The following SLC25A21 variants were observed in gnomAD, a reference collection of about 807,000 sequenced individuals.
SLC25A21 encodes the protein solute carrier family 25 member 21, also known as mitochondrial 2-oxodicarboxylate carrier.
Under a neutral mutation model 43.8 loss-of-function variants are expected in SLC25A21, and 47 were observed. That is an observed-to-expected ratio of 1.07 (90% CI 0.85 to 1.37). The LOEUF (loss-of-function observed/expected upper bound fraction) is 1.37. Among genes scored for constraint, SLC25A21 ranks in the 40% most tolerant of loss-of-function variants. The pLI, the probability that SLC25A21 is intolerant of heterozygous loss-of-function variation, is 0.00. For synonymous variants in SLC25A21, 131 were observed against 121.3 expected, an observed-to-expected ratio of 1.08 and a Z score of -0.52; for missense variants, 352 against 350.2, an observed-to-expected ratio of 1.00 and a Z score of -0.04.
chr14:36,883,038 C>T (rs1239578145), intron 1 of SLC25A21, among the ~76,000 whole-genome samples: 3 of 152,106 alleles, frequency 2.0e-5, no homozygotes, highest in Non-Finnish European at 2.9e-5. Flanking sequence ...GTAGCAGGCC[C>T]TTTACAGGTA....
chr14:36,688,936 C>A (rs1404536093), intron 7 of SLC25A21, among the ~76,000 whole-genome samples: 1 of 152,162 alleles, frequency 6.6e-6, no homozygotes, highest in Non-Finnish European at 1.5e-5. Context: ...CATAGTTTTT[C>A]TTCTTATACT....
intron 1 of SLC25A21, among the ~76,000 whole-genome samples, chr14:37,045,563 T>G (rs1287487460): frequency 6.6e-6 from 1 of 152,200 alleles, no homozygotes; most frequent in African/African-American, 2.4e-5. Context: ...CTCAAAGTAA[T>G]GAGCTTAATT....
chr14:36,871,262 G>T (rs1890364996), intron 2 of SLC25A21, among the ~76,000 whole-genome samples: 1 of 152,076 alleles, frequency 6.6e-6, no homozygotes, highest in African/African-American at 2.4e-5. Context: ...GTGATGCCTT[G>T]CTCTTTCACC....
chr14:37,172,000 C>T (rs1964138152), intron 1 of SLC25A21: 1 of 451,186 alleles, frequency 2.2e-6, no homozygotes, highest in African/African-American at 2.0e-5. Flanking sequence ...GCCCTTGGGG[C>T]TCTGCCACTT....
intron 7 of SLC25A21, 111 bp downstream of exon 7, chr14:36,711,207 A>G: frequency 1.1e-6 from 1 of 919,622 alleles, no homozygotes; most frequent in Non-Finnish European, 1.6e-6. Flanking sequence ...AAATTAGATA[A>G]TAGATGTAGG....
chr14:37,022,578 C>T (rs1400717058), intron 1 of SLC25A21, among the ~76,000 whole-genome samples: 1 of 151,984 alleles, frequency 6.6e-6, no homozygotes, highest in East Asian at 1.9e-4. Context: ...TATGAAGTCT[C>T]ATCAGTTCAA....
At chr14:37,099,119 T>G (rs1962767438) in intron 1 of SLC25A21, among the ~76,000 whole-genome samples, 1 of 152,112 alleles carries the variant, frequency 6.6e-6, no homozygotes, top group African/African-American at 2.4e-5. Flanking sequence ...AAAAATTTTT[T>G]TAACCTCTGG....
chr14:36,902,309 T>G lies in SLC25A21; in HGVS notation c.71-27305A>C, dbSNP rs570234969. Among the ~76,000 whole-genome samples the G allele has an allele frequency of 2.0e-5, 3 of 152,194 alleles. 1 individual carries two copies. Among genetic ancestry groups the G allele is most frequent in the Non-Finnish European group, 4.4e-5 (3 of 68,038 alleles). On this transcript the variant is annotated intron_variant, in intron 1 of 9. Transcript: ENST00000331299. The stretch of plus-strand genomic sequence containing the variant: ...GTTGTCCTTGCCAGTCACAGTCTTA[T>G]ACCAGAGTCCAGCCATCCCAGTGAT...
At chr14:36,954,597 AG>A (rs1250127031) in intron 1 of SLC25A21, among the ~76,000 whole-genome samples, 1 of 152,140 alleles carries the variant, frequency 6.6e-6, no homozygotes, top group Non-Finnish European at 1.5e-5. Context: ...GAAATAGTCC[AG>A]ATCTATTGTT....
chr14:36,896,083 C>T (rs191471941), intron 1 of SLC25A21, among the ~76,000 whole-genome samples: 16 of 152,244 alleles, frequency 1.1e-4, no homozygotes, highest in Non-Finnish European at 1.3e-4. Context: ...GAGTTCAATT[C>T]CTGGATATCC....
chr14:36,832,121 C>T (rs1313563969), intron 2 of SLC25A21, among the ~76,000 whole-genome samples: 7 of 152,028 alleles, frequency 4.6e-5, no homozygotes, highest in Non-Finnish European at 7.4e-5. Flanking sequence ...CAGAAATGGC[C>T]GGTTTCTCAG....
chr14:36,977,432 T>C (rs928328776), intron 1 of SLC25A21, among the ~76,000 whole-genome samples: 1 of 152,164 alleles, frequency 6.6e-6, no homozygotes, highest in Non-Finnish European at 1.5e-5. Context: ...ATTGAAAATG[T>C]TTCCTATAAC....
intron 9 of SLC25A21, among the ~76,000 whole-genome samples, chr14:36,682,117 C>T (rs965498190): frequency 6.6e-6 from 1 of 151,942 alleles, no homozygotes; most frequent in Non-Finnish European, 1.5e-5. Context: ...GAACAAAGAA[C>T]AAAAATTCCA....
At chr14:37,043,310 T>A (rs899742927) in intron 1 of SLC25A21, among the ~76,000 whole-genome samples, 6 of 152,164 alleles carry the variant, frequency 3.9e-5, no homozygotes, top group Non-Finnish European at 5.9e-5. Flanking sequence ...GAGCAAACCA[T>A]TCCTGCTTCA....
chr14:36,833,161 C>A (rs559679915), intron 2 of SLC25A21, among the ~76,000 whole-genome samples: 2 of 152,080 alleles, frequency 1.3e-5, no homozygotes, highest in Admixed American at 1.3e-4. Flanking sequence ...AAATACACAG[C>A]ACTATTAAAA....
intron 9 of SLC25A21, among the ~76,000 whole-genome samples, chr14:36,681,212 A>G (rs562802817): frequency 9.7e-4 from 147 of 152,330 alleles, no homozygotes; most frequent in Middle Eastern, 3.4e-3. Context: ...TGCTACGTGG[A>G]AATTAGATTC....
intron 3 of SLC25A21, among the ~76,000 whole-genome samples, chr14:36,794,331 T>A (rs1278940998): frequency 6.6e-6 from 1 of 152,116 alleles, no homozygotes; most frequent in Non-Finnish European, 1.5e-5. Context: ...ATTTAAAGTT[T>A]TAATAACATG....
chr14:36,913,317 G>T lies in SLC25A21; in HGVS notation c.71-38313C>A, dbSNP rs74650535. Among the ~76,000 whole-genome samples, 339 of 152,256 alleles carry T rather than the reference G, an allele frequency of 2.2e-3. 4 individuals carry two copies. The East Asian group carries it at 0.043, about 19-fold the overall frequency. On this transcript the variant is annotated intron_variant, in intron 1 of 9. Coordinates refer to ENST00000331299, the MANE Select transcript of SLC25A21 (RefSeq NM_030631.4). The stretch of plus-strand genomic sequence containing the variant: ...GAGATTTTTTGTTTGTTTGAGACAG[G>T]ATTTTTGTGTTGCCCAGGCTGGAGT...
intron 1 of SLC25A21, among the ~76,000 whole-genome samples, chr14:37,125,864 G>A (rs749044765): frequency 3.3e-5 from 5 of 152,172 alleles, no homozygotes; most frequent in Non-Finnish European, 5.9e-5. Context: ...TACTGAGTAA[G>A]TGTCAAAAGG....
Sources: gnomAD v4.1 joint callset for allele counts (sites outside exome capture counted in the v4.1 genomes callset) on GRCh38, gnomAD v4.1.1 for gene constraint, MANE v1.5 for transcripts, NCBI Gene and HGNC (gene_info 2026-07-23, HGNC 2026-07-21) for gene names.